The following PRL variants were observed in gnomAD, a reference collection of about 807,000 sequenced individuals.
PRL encodes prolactin, also known as decidual prolactin.
A neutral mutation model predicts 21.3 loss-of-function variants in PRL; 24 were observed. The ratio of observed to expected loss-of-function variants is 1.13; its 90% CI spans 0.82 to 1.59. PRL has a LOEUF of 1.59. Ranked by LOEUF, PRL falls within the 40% of genes most tolerant of loss-of-function variation. The pLI is 0.00. For missense variants in PRL, 243 were observed against 286.9 expected (o/e 0.85, Z 1.10); for synonymous variants, 118 against 115.7 (o/e 1.02, Z -0.13).
chr6:22,289,797 G>A (rs1442083244), intron 4 of PRL, among the ~76,000 whole-genome samples: 1 of 152,108 alleles, frequency 6.6e-6, no homozygotes, highest in Non-Finnish European at 1.5e-5. Flanking sequence ...CTCATCCTCT[G>A]GCGAGGGGAG....
intron 4 of PRL, 77 bp from the exon 5 acceptor site, chr6:22,287,670 A>G: frequency 1.6e-6 from 2 of 1,281,088 alleles, no homozygotes; most frequent in Non-Finnish European, 2.1e-6. Flanking sequence ...TAACTGTTGA[A>G]TTAAGAATTG....
At chr6:22,290,380 T>C in intron 3 of PRL, 27 bp from the exon 4 acceptor site, 1 of 1,495,752 alleles carries the variant, frequency 6.7e-7, no homozygotes, top group Non-Finnish European at 9.1e-7. Flanking sequence ...AACAATTGCA[T>C]TAAAATAGGT....
Position 22,287,325 on chromosome 6 carries a change from G to T in PRL, c.*77C>A. The T allele has an allele frequency of 7.2e-7, 1 of 1,398,406 alleles. No individual in the cohort carries two copies. Among genetic ancestry groups the T allele is most frequent in the Non-Finnish European group, 9.7e-7 (1 of 1,036,132 alleles). The allele number at this position is 1,398,406 out of a possible 1,614,324, so 86.6% of individuals were successfully genotyped here. A position where few individuals can be genotyped will look rare whatever the true frequency, so the allele number is the denominator to read the frequency against. On this transcript the variant is annotated 3_prime_UTR_variant, in exon 5 of 5. Coordinates refer to ENST00000306482, the MANE Select transcript of PRL (RefSeq NM_000948.6). ...GTTACACCCAAGCATGGATTCAAAA[G>T]AGATACAACTAAAAGAAGCTTGCAA... is the stretch of plus-strand genomic sequence containing the variant.
In PRL at chr6:22,293,625, GGGAAGGAAGGAA is replaced by G. The variant is rs1176296800; in HGVS notation, c.204+772_204+783del. 2.9e-3 allele frequency among the ~76,000 whole-genome samples: 80 copies of G among 27,316 alleles called. 1 individual carries two copies. The highest frequency in any genetic ancestry group is 0.01 in the African/African-American group (75 of 7,298). 17.9% of individuals were successfully genotyped at this position (27,316 alleles called of 152,430 possible). On this transcript the variant is annotated intron_variant, in intron 2 of 4. Coordinates refer to ENST00000306482, the MANE Select transcript of PRL (RefSeq NM_000948.6). ...GAGGAAGGAAGGGAGGAGGGAAGGA[GGGAAGGAAGGAA>G]GGAAGGAAGGAAGGAAGGAAGGAAG...
intron 3 of PRL, 23 bp downstream of exon 3, chr6:22,292,515 C>T (rs750548144): frequency 1.2e-6 from 2 of 1,606,548 alleles, no homozygotes; most frequent in Non-Finnish European, 1.7e-6. Flanking sequence ...TGTTTTGGTG[C>T]AAAGCCTGGA....
chr6:22,289,070 T>G (rs1238721701), intron 4 of PRL, among the ~76,000 whole-genome samples: 3 of 152,126 alleles, frequency 2.0e-5, no homozygotes, highest in Non-Finnish European at 4.4e-5. Flanking sequence ...ACAAGAATAC[T>G]TAAATAAGTG....
At chr6:22,289,252 A>G (rs2113500155) in intron 4 of PRL, among the ~76,000 whole-genome samples, 1 of 152,352 alleles carries the variant, frequency 6.6e-6, no homozygotes, top group Non-Finnish European at 1.5e-5. Context: ...GCATGAAAAT[A>G]ACCAAAATGA....
upstream of PRL, among the ~76,000 whole-genome samples, chr6:22,301,685 G>A (rs150433952): frequency 2.4e-3 from 360 of 152,168 alleles, 2 homozygotes; most frequent in African/African-American, 8.4e-3. Flanking sequence ...TCCAGCCTAC[G>A]TACCCTTTAT....
upstream of PRL, among the ~76,000 whole-genome samples, chr6:22,297,818 G>A (rs567725811): frequency 6.6e-6 from 1 of 152,306 alleles, no homozygotes; most frequent in East Asian, 1.9e-4. Context: ...AGTAATTGAG[G>A]TTTTGGGCTT....
upstream of PRL, among the ~76,000 whole-genome samples, chr6:22,299,771 A>G (rs849875): frequency 0.66 from 100,955 of 151,876 alleles, 33,754 homozygotes; most frequent in East Asian, 0.95. Context: ...CCCAGGAGGC[A>G]GAGGTTGCAG....
At chr6:22,297,307 G>T, upstream of PRL, 1 of 353,772 alleles carries the variant, frequency 2.8e-6, no homozygotes, top group Non-Finnish European at 5.1e-6. Flanking sequence ...GATTGGTTTG[G>T]AGGATCTATA....
At chr6:22,296,735 T>C (rs998284742) in intron 1 of PRL, among the ~76,000 whole-genome samples, 1 of 152,168 alleles carries the variant, frequency 6.6e-6, no homozygotes, top group African/African-American at 2.4e-5. Context: ...ACCCAAAACA[T>C]CTCCCGACAT....
intron 2 of PRL, among the ~76,000 whole-genome samples, chr6:22,294,001 C>A (rs796525116): frequency 3.3e-5 from 5 of 152,158 alleles, no homozygotes; most frequent in African/African-American, 9.6e-5. Context: ...TTCAATCCAC[C>A]CAATTTGCTG....
chr6:22,298,389 G>T (rs1221688749), upstream of PRL, among the ~76,000 whole-genome samples: 1 of 152,118 alleles, frequency 6.6e-6, no homozygotes, highest in Non-Finnish European at 1.5e-5. Flanking sequence ...GTGACCTTTA[G>T]TTTCAAATTT....
chr6:22,290,086 T>C, intron 4 of PRL, 88 bp downstream of exon 4: 1 of 1,305,496 alleles, frequency 7.7e-7, no homozygotes, highest in Non-Finnish European at 1.0e-6. Flanking sequence ...TGCCTAAATT[T>C]CCTTCTTTCA....
intron 1 of PRL, among the ~76,000 whole-genome samples, chr6:22,295,940 GT>G (rs1761164076): frequency 6.6e-6 from 1 of 152,176 alleles, no homozygotes; most frequent in Admixed American, 6.5e-5. Context: ...AAATCTGTTA[GT>G]TGTAAAATAA....
intron 4 of PRL, 62 bp from the exon 5 acceptor site, chr6:22,287,655 C>T: frequency 1.5e-6 from 2 of 1,351,210 alleles, no homozygotes; most frequent in Non-Finnish European, 2.0e-6. Flanking sequence ...TGTCCTTGTT[C>T]TTTCTAACTG....
chr6:22,291,319 T>C (rs963692453), intron 3 of PRL, among the ~76,000 whole-genome samples: 3 of 152,222 alleles, frequency 2.0e-5, no homozygotes, highest in African/African-American at 7.2e-5. Context: ...GGGTTTTGAA[T>C]AGAATGAAGC....
rs765096729 is a variant in PRL, at chr6:22,290,283, G to A, written c.383C>T (p.Thr128Met). 98 of 1,611,904 alleles carry A rather than the reference G, an allele frequency of 6.1e-5. No individual in the cohort carries two copies. The highest frequency in any genetic ancestry group is 1.7e-4 in the Admixed American group (10 of 59,982). ...SWNEPLYHLV[T>M]EVRGMQEAPE... is the part of the protein sequence containing the mutation. ...GGCTTCTTGCATACCACGTACTTCCGTGACCAGATGATACAGAGGCTCATT... is the reference window on the plus strand; with the variant it reads ...GGCTTCTTGCATACCACGTACTTCCATGACCAGATGATACAGAGGCTCATT... The change falls in exon 4 of 5, where the codon ACG (threonine) becomes ATG (methionine). Residue 128 changes from threonine to methionine, a missense_variant. Transcript: ENST00000306482.
Sources: gnomAD v4.1 joint callset for allele counts (sites outside exome capture counted in the v4.1 genomes callset) on GRCh38, gnomAD v4.1.1 for gene constraint, MANE v1.5 for transcripts, NCBI Gene and HGNC (gene_info 2026-07-23, HGNC 2026-07-21) for gene names.